Variants in TMEM63C observed in about 807,000 individuals in gnomAD.
The protein encoded by TMEM63C is transmembrane protein 63C, also known as osmosensitive cation channel TMEM63C.
A neutral mutation model predicts 99.2 loss-of-function variants in TMEM63C; 32 were observed. The ratio of observed to expected loss-of-function variants is 0.32; its 90% confidence interval spans 0.24 to 0.43. The LOEUF is 0.43. TMEM63C is among the 20% of genes least tolerant of loss of function. The pLI is 1.00. For synonymous variants in TMEM63C, 376 were observed against 397.9 expected, an observed-to-expected ratio of 0.94 and a Z score of 0.66; for missense variants, 826 against 1,053.0, an observed-to-expected ratio of 0.78 and a Z score of 2.98.
In TMEM63C at chr14:77,233,433, C is replaced by T. The variant is rs780760044; in HGVS notation, c.494-19C>T. ...ACTGAGGAGCCAGGCTCGAGGTCAG[C>T]AACTTCTTTCTCTTTCAGACTGGAG... On this transcript the variant is annotated intron_variant, in intron 7 of 23. Coordinates refer to ENST00000298351, the MANE Select transcript of TMEM63C (RefSeq NM_020431.4). 6.2e-7 allele frequency: 1 copy of T among 1,612,300 alleles called. No homozygotes were observed. The highest frequency in any genetic ancestry group is 1.7e-5 in the Admixed American group (1 of 59,846).
At chr14:77,242,701 A>ATT (rs3214404) in intron 14 of TMEM63C, among the ~76,000 whole-genome samples, 11 of 150,850 alleles carry the variant, frequency 7.3e-5, no homozygotes, top group South Asian at 2.1e-4. Flanking sequence ...ACTCAGGTCC[A>ATT]TTTTTTTTTG....
At chr14:77,241,023 T>G (rs1889166595) in intron 13 of TMEM63C, among the ~76,000 whole-genome samples, 1 of 148,476 alleles carries the variant, frequency 6.7e-6, no homozygotes, top group South Asian at 2.1e-4. Context: ...CAATCTCAGC[T>G]CACTACGACC....
chr14:77,240,712 C>A, intron 13 of TMEM63C, 104 bp downstream of exon 13: 1 of 1,422,642 alleles, frequency 7.0e-7, no homozygotes, highest in Non-Finnish European at 9.4e-7. Flanking sequence ...CCCCTGGGCC[C>A]TCCATGCTCG....
At chr14:77,229,751 C>A (rs1162127754) in intron 6 of TMEM63C, among the ~76,000 whole-genome samples, 2 of 151,590 alleles carry the variant, frequency 1.3e-5, no homozygotes, top group East Asian at 3.9e-4. Context: ...CATGCCCAGC[C>A]ACAAATGCTT....
chr14:77,256,672 C>G lies in TMEM63C; in HGVS notation c.2367C>G (p.Asp789Glu), dbSNP rs1185986814. ...TGAGGGGCTTTGCGAGGGAGCTAGA[C>G]TCGGCCCAGTTCCAGGAAGGGCTGG... ...SGLRGFAREL[D>E]SAQFQEGLEL... The change falls in exon 24 of 24, where the codon GAC becomes GAG. Residue 789 changes from aspartate (D) to glutamate (E), a missense_variant. Transcript: ENST00000298351. 1.2e-6 allele frequency: 2 copies of G among 1,613,896 alleles called. No homozygotes were observed. The highest frequency in any genetic ancestry group is 1.7e-5 in the Admixed American group (1 of 60,016).
At chr14:77,255,883 G>A (rs917552046) in intron 23 of TMEM63C, among the ~76,000 whole-genome samples, 11 of 152,200 alleles carry the variant, frequency 7.2e-5, no homozygotes, top group African/African-American at 2.7e-4. Context: ...TGGTTTCACT[G>A]AAATAAACTC....
At chr14:77,222,034 C>G (rs573634955) in intron 5 of TMEM63C, among the ~76,000 whole-genome samples, 6 of 152,044 alleles carry the variant, frequency 3.9e-5, no homozygotes, top group African/African-American at 1.4e-4. Flanking sequence ...GCAATGACAC[C>G]CACACTGACA....
chr14:77,232,375 C>T (rs2140119160), intron 7 of TMEM63C, among the ~76,000 whole-genome samples: 1 of 152,256 alleles, frequency 6.6e-6, no homozygotes, highest in South Asian at 2.1e-4. Flanking sequence ...GCAACCTCTG[C>T]CTCCTGGGTT....
chr14:77,225,786 A>G (rs1888809917), intron 6 of TMEM63C, among the ~76,000 whole-genome samples: 1 of 152,066 alleles, frequency 6.6e-6, no homozygotes, highest in African/African-American at 2.4e-5. Context: ...CCTTTGTGCT[A>G]TCTGCTTGAT....
intron 21 of TMEM63C, 90 bp from the exon 22 acceptor site, chr14:77,251,699 G>C (rs1889362513): frequency 2.0e-6 from 2 of 1,010,222 alleles, no homozygotes; most frequent in Non-Finnish European, 3.1e-6. Context: ...AGCCCTTGCA[G>C]TGGTGCTGTG....
chr14:77,210,759 C>T (rs1324480138), intron 1 of TMEM63C, among the ~76,000 whole-genome samples: 1 of 152,092 alleles, frequency 6.6e-6, no homozygotes, highest in East Asian at 1.9e-4. Context: ...AGTCCAGAAC[C>T]ATGGGAGATA....
chr14:77,183,500 G>A (rs766856320), intron 1 of TMEM63C, among the ~76,000 whole-genome samples: 8 of 152,130 alleles, frequency 5.3e-5, no homozygotes, highest in Non-Finnish European at 1.0e-4. Flanking sequence ...TGGGCCTATC[G>A]GAGCCAAAAA....
chr14:77,253,234 A>G, intron 22 of TMEM63C, 71 bp from the exon 23 acceptor site: 1 of 1,423,418 alleles, frequency 7.0e-7, no homozygotes, highest in South Asian at 1.2e-5. Flanking sequence ...TGTGGAGTTG[A>G]GGCTCCTCTG....
intron 1 of TMEM63C, among the ~76,000 whole-genome samples, chr14:77,203,167 C>T (rs1763327806): frequency 6.6e-6 from 1 of 152,072 alleles, no homozygotes; most frequent in African/African-American, 2.4e-5. Context: ...CACCTGAGGT[C>T]AGGAGTTAGA....
intron 1 of TMEM63C, among the ~76,000 whole-genome samples, chr14:77,188,914 T>G (rs903197726): frequency 3.9e-5 from 6 of 152,168 alleles, no homozygotes; most frequent in Non-Finnish European, 7.3e-5. Flanking sequence ...AATAAAACTA[T>G]GATACTGTGC....
chr14:77,194,529 C>CTT (rs1888175440), intron 1 of TMEM63C, among the ~76,000 whole-genome samples: 3 of 41,338 alleles, frequency 7.3e-5, no homozygotes, highest in Admixed American at 2.5e-4. Context: ...TTCTTTCTTT[C>CTT]TTTCTTTCTT....
At chr14:77,253,689 G>T (rs1457031004) in intron 23 of TMEM63C, among the ~76,000 whole-genome samples, 1 of 152,230 alleles carries the variant, frequency 6.6e-6, no homozygotes, top group Non-Finnish European at 1.5e-5. Context: ...ACGCAGGGGG[G>T]CCTGCTGAGG....
chr14:77,211,767 G>A (rs1443075476), intron 1 of TMEM63C, among the ~76,000 whole-genome samples: 1 of 152,200 alleles, frequency 6.6e-6, no homozygotes, highest in Non-Finnish European at 1.5e-5. Flanking sequence ...CCAGCTTTTG[G>A]CATAGGAACC....
intron 1 of TMEM63C, among the ~76,000 whole-genome samples, chr14:77,194,170 T>C (rs1342664810): frequency 6.6e-6 from 1 of 152,182 alleles, no homozygotes; most frequent in Non-Finnish European, 1.5e-5. Flanking sequence ...GAAAGTGTAG[T>C]GCATCGGTTC....
Sources: allele counts gnomAD v4.1 joint callset (sites outside exome capture counted in the v4.1 genomes callset), GRCh38; gene constraint gnomAD v4.1.1; transcripts MANE v1.5; gene names NCBI Gene and HGNC (gene_info 2026-07-23, HGNC 2026-07-21).